ELAVL4: variants seen among roughly 807,000 people sequenced by gnomAD.
ELAVL4 encodes the protein ELAV-like protein 4.
In ELAVL4, 1 loss-of-function variant was observed where a neutral mutation model predicts 35.6. The observed-to-expected ratio is 0.03, with a 90% confidence interval of 0.01 to 0.13. The LOEUF (loss-of-function observed/expected upper bound fraction) is 0.13. Ranked by LOEUF, ELAVL4 falls within the 10% of genes least tolerant of loss-of-function variation. ELAVL4 has a pLI of 1.00. For synonymous variants in ELAVL4, 156 were observed against 171.0 expected (o/e 0.91, Z 0.69); for missense variants, 267 against 464.9 (o/e 0.57, Z 3.91).
chr1:50,188,067 C>T (rs925453415), intron 3 of ELAVL4, among the ~76,000 whole-genome samples: 2 of 152,130 alleles, frequency 1.3e-5, no homozygotes, highest in African/African-American at 4.8e-5. Context: ...TGCACTCCAG[C>T]CTGGGCAACA....
intron 1 of ELAVL4, among the ~76,000 whole-genome samples, chr1:50,087,017 T>G (rs891514825): frequency 1.3e-5 from 2 of 152,122 alleles, no homozygotes; most frequent in African/African-American, 4.8e-5. Context: ...ATGCCAGTAC[T>G]GAGGAAGAGG....
chr1:50,131,199 T>A (rs1475881471), intron 1 of ELAVL4, among the ~76,000 whole-genome samples: 1 of 152,142 alleles, frequency 6.6e-6, no homozygotes, highest in Non-Finnish European at 1.5e-5. Flanking sequence ...CATAGTAAAT[T>A]AATTCTAAAA....
chr1:50,181,202 C>T (rs889191001), intron 3 of ELAVL4: 2 of 152,240 alleles, frequency 1.3e-5, no homozygotes, highest in African/African-American at 4.8e-5. Flanking sequence ...CTCAGCAACA[C>T]GTGCATTCTG....
Position 50,194,785 on chromosome 1 carries a change from T to G in ELAVL4, c.509-776T>G, listed in dbSNP as rs547005118. On this transcript the variant is annotated intron_variant, in intron 4 of 6. Transcript: ENST00000371824. Reference sequence around the variant, plus strand: ...GTGGGAATTGCTAGGAGGGCCCCATTGAGGAGGCAATGTTTGAATAGGAGT... The same window carrying G: ...GTGGGAATTGCTAGGAGGGCCCCATGGAGGAGGCAATGTTTGAATAGGAGT... Among the ~76,000 whole-genome samples, 26 of 152,212 alleles carry G rather than the reference T, an allele frequency of 1.7e-4. No individual in the cohort carries two copies. The South Asian group carries it at 4.6e-3, about 27-fold the overall frequency.
intron 1 of ELAVL4, among the ~76,000 whole-genome samples, chr1:50,074,849 T>C (rs1664691296): frequency 6.6e-6 from 1 of 151,966 alleles, no homozygotes; most frequent in African/African-American, 2.4e-5. Flanking sequence ...ATTAAGAAAA[T>C]ATATAGAACA....
chr1:50,131,833 A>T (rs1306056634), intron 1 of ELAVL4, among the ~76,000 whole-genome samples: 1 of 151,874 alleles, frequency 6.6e-6, no homozygotes, highest in Non-Finnish European at 1.5e-5. Context: ...AAGTGAAATT[A>T]AGGGAAACTA....
intron 1 of ELAVL4, among the ~76,000 whole-genome samples, chr1:50,122,881 A>T (rs1264331255): frequency 6.6e-6 from 1 of 152,098 alleles, no homozygotes; most frequent in Non-Finnish European, 1.5e-5. Flanking sequence ...TTTTAAAAGG[A>T]TTAATACCAC....
At chr1:50,099,451 T>C (rs374665573), upstream of ELAVL4, among the ~76,000 whole-genome samples, 34 of 150,756 alleles carry the variant, frequency 2.3e-4, no homozygotes, top group Non-Finnish European at 4.3e-4. Context: ...TCTCAGCTAC[T>C]TGGGAGGCTG....
chr1:50,119,088 GAAAGAAAA>G (rs1295072464), intron 1 of ELAVL4, among the ~76,000 whole-genome samples: 1 of 129,052 alleles, frequency 7.7e-6, no homozygotes, highest in Non-Finnish European at 1.7e-5. Context: ...AAGAAAGAAA[GAAAGAAAA>G]AGAAAAAGAT....
intron 2 of ELAVL4, among the ~76,000 whole-genome samples, chr1:50,156,033 A>ACG (rs1330814723): frequency 1.3e-5 from 2 of 150,306 alleles, no homozygotes; most frequent in Admixed American, 1.3e-4. Flanking sequence ...ACAGGCACGC[A>ACG]CACACACACA....
intron 2 of ELAVL4, among the ~76,000 whole-genome samples, chr1:50,151,082 C>G (rs1178571848): frequency 6.6e-6 from 1 of 152,168 alleles, no homozygotes. Context: ...GATGCAGAAA[C>G]TTGAAATCAG....
chr1:50,165,477 C>T (rs542146826), intron 2 of ELAVL4, among the ~76,000 whole-genome samples: 1 of 150,010 alleles, frequency 6.7e-6, no homozygotes, highest in Non-Finnish European at 1.5e-5. Context: ...CACACACTCA[C>T]ATATATATGT....
chr1:50,197,730 C>T, intron 6 of ELAVL4: 1 of 402,652 alleles, frequency 2.5e-6, no homozygotes, highest in Non-Finnish European at 4.4e-6. Flanking sequence ...AGCTACCAAG[C>T]CCTTAATAAT....
chr1:50,106,177 A>T (rs1666288927), upstream of ELAVL4: 1 of 629,790 alleles, frequency 1.6e-6, no homozygotes, highest in Non-Finnish European at 2.6e-6. Flanking sequence ...GTGCCACGTA[A>T]GGCTTCTCCA....
At chr1:50,185,977 C>T (rs932403319) in intron 3 of ELAVL4, among the ~76,000 whole-genome samples, 1 of 152,210 alleles carries the variant, frequency 6.6e-6, no homozygotes, top group East Asian at 1.9e-4. Context: ...GGCCATGAGA[C>T]CTTTACACAG....
At chr1:50,143,097 G>A (rs1407958472) in intron 1 of ELAVL4, among the ~76,000 whole-genome samples, 1 of 152,158 alleles carries the variant, frequency 6.6e-6, no homozygotes, top group Non-Finnish European at 1.5e-5. Flanking sequence ...TGAGGGGTGA[G>A]GTAAATGACA....
chr1:50,052,347 G>A (rs572233055), intron 1 of ELAVL4, among the ~76,000 whole-genome samples: 29 of 152,204 alleles, frequency 1.9e-4, no homozygotes, highest in Admixed American at 8.5e-4. Flanking sequence ...CACACTTTTT[G>A]TGTGTAAAGC....
intron 6 of ELAVL4, among the ~76,000 whole-genome samples, chr1:50,199,047 A>G (rs1378191247): frequency 6.6e-6 from 1 of 152,208 alleles, no homozygotes; most frequent in African/African-American, 2.4e-5. Context: ...TTCAGAAATG[A>G]TACAAGTTAC....
intron 1 of ELAVL4, among the ~76,000 whole-genome samples, chr1:50,055,358 G>A (rs1302369834): frequency 6.6e-6 from 1 of 151,842 alleles, no homozygotes; most frequent in Non-Finnish European, 1.5e-5. Context: ...GGAGTGCAGT[G>A]CCGCGATCTT....
Sources: gnomAD v4.1 joint callset for allele counts (sites outside exome capture counted in the v4.1 genomes callset) on GRCh38, gnomAD v4.1.1 for gene constraint, MANE v1.5 for transcripts, NCBI Gene and HGNC (gene_info 2026-07-23, HGNC 2026-07-21) for gene names.